Variants in NEDD4 observed in about 807,000 individuals in gnomAD.
The protein encoded by NEDD4 is E3 ubiquitin-protein ligase NEDD4.
A neutral mutation model predicts 144.9 loss-of-function variants in NEDD4; 99 were observed. The observed-to-expected ratio is 0.68, with a 90% CI of 0.58 to 0.81. NEDD4 has a LOEUF of 0.81. NEDD4 is among the 30% of genes least tolerant of loss of function. The pLI is 0.00. For synonymous variants in NEDD4, 318 were observed against 350.6 expected (o/e 0.91, Z 1.04); for missense variants, 985 against 1,065.9 (o/e 0.92, Z 1.06).
At chr15:55,970,881 T>G (rs1401617774) in intron 1 of NEDD4, among the ~76,000 whole-genome samples, 2 of 152,188 alleles carry the variant, frequency 1.3e-5, no homozygotes, top group Non-Finnish European at 2.9e-5. Context: ...GTTCAGACAT[T>G]AGTGAACATC....
At chr15:55,919,541 T>C (rs1469901921) in intron 5 of NEDD4, among the ~76,000 whole-genome samples, 1 of 152,094 alleles carries the variant, frequency 6.6e-6, no homozygotes, top group Non-Finnish European at 1.5e-5. Flanking sequence ...ATTATAGCAG[T>C]TACATGGGAA....
At chr15:55,882,762 G>A (rs967352115) in intron 5 of NEDD4, among the ~76,000 whole-genome samples, 1 of 152,158 alleles carries the variant, frequency 6.6e-6, no homozygotes, top group Non-Finnish European at 1.5e-5. Context: ...AGCTCTGAAA[G>A]AAACTCCTTC....
rs1388926613 is a variant in NEDD4, at chr15:55,993,579, G to C, written c.-24C>G. 2.0e-5 allele frequency: 32 copies of C among 1,590,262 alleles called. No individual in the cohort carries two copies. Among genetic ancestry groups the C allele is most frequent in the Non-Finnish European group, 2.5e-5 (29 of 1,171,154 alleles). On this transcript the variant is annotated 5_prime_UTR_variant, in exon 1 of 29. Transcript: ENST00000435532. ...ATTTCCGAACGCTTCCAGCAAACCGGACGCGCTCGCCCCCGCCCAGGGCAG... is the reference window on the plus strand; with the variant it reads ...ATTTCCGAACGCTTCCAGCAAACCGCACGCGCTCGCCCCCGCCCAGGGCAG...
chr15:55,930,357 C>T lies in NEDD4; in HGVS notation c.238-5658G>A, dbSNP rs796538464. Among the ~76,000 whole-genome samples, 5 of 152,072 alleles carry T rather than the reference C, an allele frequency of 3.3e-5. No homozygotes were observed. In the South Asian group the frequency reaches 1.0e-3, roughly 32 times the overall value. Reference sequence around the variant, plus strand: ...TTATCTATTAATTTCTCTCATGTATCTAGAATGGTACTGGTTAAGACTAGC... The same window carrying T: ...TTATCTATTAATTTCTCTCATGTATTTAGAATGGTACTGGTTAAGACTAGC... On this transcript the variant is annotated intron_variant, in intron 4 of 28. Coordinates refer to ENST00000435532, the MANE Select transcript of NEDD4 (RefSeq NM_006154.4).
intron 1 of NEDD4, among the ~76,000 whole-genome samples, chr15:55,990,207 C>G (rs1595892877): frequency 6.6e-6 from 1 of 152,124 alleles, no homozygotes; most frequent in East Asian, 1.9e-4. Context: ...AAGTAGAGTG[C>G]ACCATACATG....
At chr15:55,956,724 G>A (rs1401859784) in intron 2 of NEDD4, among the ~76,000 whole-genome samples, 2 of 152,138 alleles carry the variant, frequency 1.3e-5, no homozygotes, top group Admixed American at 6.6e-5. Context: ...AGCAAGTCTT[G>A]AAATGGGGTA....
At chr15:55,961,796 A>G (rs67850372) in intron 2 of NEDD4, among the ~76,000 whole-genome samples, 20,433 of 152,152 alleles carry the variant, frequency 0.13, 1,488 homozygotes, top group East Asian at 0.32. Context: ...TTATGAAGCA[A>G]TAAACTAATA....
chr15:55,846,619 A>T (rs532357842), intron 18 of NEDD4, among the ~76,000 whole-genome samples: 140 of 152,342 alleles, frequency 9.2e-4, no homozygotes, highest in African/African-American at 3.2e-3. Flanking sequence ...CCTCCAACAC[A>T]GTCAAAGACT....
At chr15:55,842,739 T>C (rs1412915535) in intron 18 of NEDD4, among the ~76,000 whole-genome samples, 2 of 152,190 alleles carry the variant, frequency 1.3e-5, no homozygotes, top group Admixed American at 6.5e-5. Flanking sequence ...ACAGTCCTTT[T>C]CATATTAAGT....
chr15:55,923,473 C>T (rs2036605949), intron 5 of NEDD4, among the ~76,000 whole-genome samples: 1 of 151,654 alleles, frequency 6.6e-6, no homozygotes, highest in Admixed American at 6.6e-5. Context: ...TGGTGAAACC[C>T]CATCTCTACT....
intron 7 of NEDD4, 35 bp downstream of exon 7, chr15:55,872,380 A>T (rs746036747): frequency 9.0e-7 from 1 of 1,105,644 alleles, no homozygotes; most frequent in South Asian, 1.7e-5. Flanking sequence ...GAGATAAAAA[A>T]TTTAATATGC....
At position 55,966,676 on chromosome 15, in the gene NEDD4, T is replaced by G. The variant is rs572458227; in HGVS notation, c.46-130A>C. 113 of 444,140 alleles carry G rather than the reference T, an allele frequency of 2.5e-4. No homozygotes were observed. In the East Asian group the frequency reaches 4.2e-3, roughly 17 times the overall value. The allele number at this position is 444,140 out of a possible 1,614,324, so 27.5% of individuals were successfully genotyped here. A position where few individuals can be genotyped will look rare whatever the true frequency, so the allele number is the denominator to read the frequency against. On this transcript the variant is annotated intron_variant, in intron 1 of 28. Coordinates refer to ENST00000435532, the MANE Select transcript of NEDD4 (RefSeq NM_006154.4). The stretch of plus-strand genomic sequence containing the variant: ...TAATTGAAGAATCTTTTTCAATAAT[T>G]AATTTTATTAAAAGTTACACGGGAA...
intron 7 of NEDD4, among the ~76,000 whole-genome samples, chr15:55,871,953 C>T (rs1237217906): frequency 6.6e-6 from 1 of 152,102 alleles, no homozygotes; most frequent in Admixed American, 6.5e-5. Flanking sequence ...GAATTATAAG[C>T]ATGCTATTTG....
chr15:55,977,649 G>A (rs2037728045), intron 1 of NEDD4, among the ~76,000 whole-genome samples: 1 of 151,652 alleles, frequency 6.6e-6, no homozygotes, highest in Non-Finnish European at 1.5e-5. Context: ...TCAGGTATCA[G>A]AAATAAAGAT....
In NEDD4 at chr15:55,926,979, G is replaced by A. The variant is rs1595851489; in HGVS notation, c.238-2280C>T. The stretch of plus-strand genomic sequence containing the variant: ...TAACCCCAGCTAGTTGGGAGGCTGA[G>A]GCAGGAGAATCGCTTGAACCTGGGG... On this transcript the variant is annotated intron_variant, in intron 4 of 28. Transcript: ENST00000435532. Among the ~76,000 whole-genome samples the A allele has an allele frequency of 3.3e-5, 5 of 150,956 alleles. No individual in the cohort carries two copies. The Middle Eastern group carries it at 0.01, about 314-fold the overall frequency.
At chr15:55,890,133 A>T (rs2035519279) in intron 5 of NEDD4, among the ~76,000 whole-genome samples, 1 of 152,196 alleles carries the variant, frequency 6.6e-6, no homozygotes, top group South Asian at 2.1e-4. Flanking sequence ...GTTTCAAAAT[A>T]TCTCATGTAC....
intron 5 of NEDD4, among the ~76,000 whole-genome samples, chr15:55,911,497 C>T (rs2036271156): frequency 1.3e-5 from 2 of 152,060 alleles, no homozygotes; most frequent in African/African-American, 4.8e-5. Context: ...TTCATACACA[C>T]CTCTATTTAG....
intron 1 of NEDD4, among the ~76,000 whole-genome samples, chr15:55,986,063 A>G (rs1447954775): frequency 6.6e-6 from 1 of 152,250 alleles, no homozygotes; most frequent in African/African-American, 2.4e-5. Context: ...AGTATGAGCA[A>G]TAAAATATTT....
At chr15:55,988,363 T>C (rs1367366419) in intron 1 of NEDD4, among the ~76,000 whole-genome samples, 5 of 127,068 alleles carry the variant, frequency 3.9e-5, no homozygotes, top group East Asian at 2.5e-4. Context: ...TTGGGAGATA[T>C]ACCTAATGCT....
Sources: allele counts gnomAD v4.1 joint callset (sites outside exome capture counted in the v4.1 genomes callset), GRCh38; gene constraint gnomAD v4.1.1; transcripts MANE v1.5; gene names NCBI Gene and HGNC (gene_info 2026-07-23, HGNC 2026-07-21).